The following ANO5 variants were observed in gnomAD, a reference collection of about 807,000 sequenced individuals.
ANO5 encodes the protein anoctamin-5.
A neutral mutation model predicts 121.0 loss-of-function variants in ANO5; 109 were observed. The observed-to-expected ratio is 0.90, with a 90% CI of 0.77 to 1.06. The LOEUF (loss-of-function observed/expected upper bound fraction) is 1.06. Among genes scored for constraint, ANO5 ranks in the 50% least tolerant of loss-of-function variants. The pLI, the probability that ANO5 is intolerant of heterozygous loss-of-function variation, is 0.00. For synonymous variants in ANO5, 406 were observed against 359.9 expected (o/e 1.13, Z -1.45); for missense variants, 1,064 against 1,078.5 (o/e 0.99, Z 0.19).
chr11:22,250,423 A>G (rs1240019926), intron 10 of ANO5, 52 bp downstream of exon 10: 4 of 1,604,228 alleles, frequency 2.5e-6, no homozygotes, highest in East Asian at 2.2e-5. Flanking sequence ...TCTTGTGCCA[A>G]ATGAAGTTGT....
Position 22,263,225 on chromosome 11 carries a change from T to A in ANO5, c.1898+182T>A, listed in dbSNP as rs114770419. On this transcript the variant is annotated intron_variant, in intron 17 of 21. Coordinates refer to ENST00000324559, the MANE Select transcript of ANO5 (RefSeq NM_213599.3). ...AAGTAATATAAACTCTTATTTTTAT[T>A]TATTTATTTATTTTGGTTCCATGGC... Among the ~76,000 whole-genome samples, 4,326 of 152,222 alleles carry A rather than the reference T, an allele frequency of 0.028. 194 individuals are homozygous for A. The highest frequency in any genetic ancestry group is 0.098 in the African/African-American group (4,077 of 41,556).
intron 1 of ANO5, among the ~76,000 whole-genome samples, chr11:22,198,350 G>A (rs1851870713): frequency 6.6e-6 from 1 of 152,136 alleles, no homozygotes; most frequent in South Asian, 2.1e-4. Flanking sequence ...CTGATATAAT[G>A]TGAAAAATAA....
chr11:22,208,908 A>T (rs1214482238), intron 2 of ANO5, among the ~76,000 whole-genome samples: 1 of 151,898 alleles, frequency 6.6e-6, no homozygotes, highest in Non-Finnish European at 1.5e-5. Flanking sequence ...GGCTCTACAC[A>T]TTGCAGTCAA....
At chr11:22,238,438 T>C (rs539027436) in intron 8 of ANO5, among the ~76,000 whole-genome samples, 12 of 152,264 alleles carry the variant, frequency 7.9e-5, no homozygotes, top group African/African-American at 1.9e-4. Context: ...TATAGGCTCA[T>C]TGGAAATTCG....
rs1170561379 is a variant in ANO5, at chr11:22,282,340, C to CA, written c.*2577dup. On this transcript the variant is annotated 3_prime_UTR_variant, in exon 22 of 22. Coordinates refer to ENST00000324559, the MANE Select transcript of ANO5 (RefSeq NM_213599.3). ...TGCACACAGGAAGCAAAATCTACTT[C>CA]AAGACATTTATTTTAGAGGAATCCA... 6.6e-6 allele frequency: 1 copy of CA among 152,196 alleles called. No homozygotes were observed. The highest frequency in any genetic ancestry group is 1.5e-5 in the Non-Finnish European group (1 of 68,004). The allele number at this position is 152,196 out of a possible 1,614,324, so 9.4% of individuals were successfully genotyped here.
At chr11:22,208,083 A>C (rs1411647100) in intron 2 of ANO5, among the ~76,000 whole-genome samples, 2 of 152,082 alleles carry the variant, frequency 1.3e-5, no homozygotes, top group Non-Finnish European at 1.5e-5. Context: ...GCTGGGGGAA[A>C]CATAAAATGA....
intron 18 of ANO5, among the ~76,000 whole-genome samples, chr11:22,271,914 G>C (rs1854629933): frequency 1.3e-5 from 2 of 152,124 alleles, no homozygotes; most frequent in Middle Eastern, 3.4e-3. Context: ...AAAAGGAGGT[G>C]AATATGTATT....
At chr11:22,252,957 T>C (rs1055025192) in intron 12 of ANO5, among the ~76,000 whole-genome samples, 1 of 152,168 alleles carries the variant, frequency 6.6e-6, no homozygotes, top group African/African-American at 2.4e-5. Flanking sequence ...ATGATTGCAA[T>C]TGTGTATAAG....
Position 22,214,171 on chromosome 11 carries a change from T to A in ANO5, c.138+2857T>A, listed in dbSNP as rs377689343. On this transcript the variant is annotated intron_variant, in intron 3 of 21. Coordinates refer to ENST00000324559, the MANE Select transcript of ANO5 (RefSeq NM_213599.3). ...CCTCCCTTCTCAGCTTCCTGAGTGG[T>A]TGGAATTACAAGACATAAGCCACAT... is the stretch of plus-strand genomic sequence containing the variant. 5.9e-4 allele frequency among the ~76,000 whole-genome samples: 90 copies of A among 152,068 alleles called. No individual in the cohort carries two copies. In the South Asian group the frequency reaches 0.012, roughly 20 times the overall value.
chr11:22,212,962 A>C (rs1268103962), intron 3 of ANO5, among the ~76,000 whole-genome samples: 2 of 151,612 alleles, frequency 1.3e-5, no homozygotes, highest in East Asian at 1.9e-4. Context: ...TGACTTTAAA[A>C]TGATGTATGA....
intron 18 of ANO5, among the ~76,000 whole-genome samples, chr11:22,271,085 C>T (rs965673378): frequency 1.3e-5 from 2 of 152,174 alleles, no homozygotes; most frequent in Non-Finnish European, 2.9e-5. Flanking sequence ...CAGAGTCTCG[C>T]TCTGTCGCTC....
chr11:22,254,930 G>A (rs1564938907), intron 12 of ANO5, among the ~76,000 whole-genome samples: 1 of 151,988 alleles, frequency 6.6e-6, no homozygotes, highest in Non-Finnish European at 1.5e-5. Context: ...AAAAGAGAGA[G>A]TAATTGTGCT....
chr11:22,253,064 T>C (rs1314065992), intron 12 of ANO5, among the ~76,000 whole-genome samples: 1 of 152,130 alleles, frequency 6.6e-6, no homozygotes, highest in Non-Finnish European at 1.5e-5. Flanking sequence ...TATTCAAATA[T>C]ATGTTGAATA....
chr11:22,222,332 A>G (rs1012403317), intron 5 of ANO5, among the ~76,000 whole-genome samples: 7 of 151,934 alleles, frequency 4.6e-5, no homozygotes, highest in African/African-American at 1.7e-4. Flanking sequence ...ATCATTGATA[A>G]TATCAATTCA....
Position 22,259,734 on chromosome 11 carries a change from A to C in ANO5, c.1623A>C (p.Thr541=). 6.2e-7 allele frequency: 1 copy of C among 1,610,300 alleles called. No homozygotes were observed. Among genetic ancestry groups the C allele is most frequent in the Non-Finnish European group, 8.5e-7 (1 of 1,176,776 alleles). The change falls in exon 15 of 22, where the codon ACA becomes ACC. Residue 541 remains threonine, a synonymous_variant. Transcript: ENST00000324559. ...ATGAAAAGATATCTGCCTGGATCAC[A>C]AAAATGGGTAAGCTGGCCAAATCAT... ...FFYEKISAWI[T]KMEIPRTYQE...
chr11:22,198,080 G>GT (rs1851863062), intron 1 of ANO5, among the ~76,000 whole-genome samples: 1 of 152,216 alleles, frequency 6.6e-6, no homozygotes. Flanking sequence ...CTAGCGAGCA[G>GT]TAAGTGTGCA....
intron 13 of ANO5, among the ~76,000 whole-genome samples, chr11:22,256,165 AC>A (rs1853994146): frequency 1.3e-5 from 2 of 152,174 alleles, no homozygotes; most frequent in Admixed American, 6.5e-5. Flanking sequence ...TTGGTACCTC[AC>A]TTTTTTCATG....
intron 6 of ANO5, 56 bp from the exon 7 acceptor site, chr11:22,227,246 C>T: frequency 6.3e-7 from 1 of 1,583,818 alleles, no homozygotes; most frequent in Non-Finnish European, 8.7e-7. Flanking sequence ...ATTTAATCAG[C>T]TCAATAACAA....
rs147223264 is a variant in ANO5, at chr11:22,222,675, G to A, written c.294+1465G>A. On this transcript the variant is annotated intron_variant, in intron 5 of 21. Coordinates refer to ENST00000324559, the MANE Select transcript of ANO5 (RefSeq NM_213599.3). ...TGTTACATATCCCGCCAAGTCCCTT[G>A]CCCCTCTCCCAGTTGTACTTGACAA... Among the ~76,000 whole-genome samples, 441 of 143,630 alleles carry A rather than the reference G, an allele frequency of 3.1e-3. 3 individuals are homozygous for A. The highest frequency in any genetic ancestry group is 0.011 in the African/African-American group (421 of 39,170). The allele number at this position is 143,630 out of a possible 152,430, so 94.2% of individuals were successfully genotyped here. A position where few individuals can be genotyped will look rare whatever the true frequency, so the allele number is the denominator to read the frequency against.
Sources: allele counts gnomAD v4.1 joint callset (sites outside exome capture counted in the v4.1 genomes callset), GRCh38; gene constraint gnomAD v4.1.1; transcripts MANE v1.5; gene names NCBI Gene and HGNC (gene_info 2026-07-23, HGNC 2026-07-21).